The following RHCG variants were observed in gnomAD, a reference collection of about 807,000 sequenced individuals.
RHCG encodes the protein ammonium transporter Rh type C.
In RHCG, 39 loss-of-function variants were observed where a neutral mutation model predicts 55.3. The observed-to-expected ratio is 0.70, with a 90% CI of 0.55 to 0.92. The LOEUF (loss-of-function observed/expected upper bound fraction) is 0.92, where lower values mean the gene tolerates loss of function less well. Among genes scored for constraint, RHCG ranks in the 40% least tolerant of loss-of-function variants. The pLI, the probability that RHCG is intolerant of heterozygous loss-of-function variation, is 0.00. For missense variants in RHCG, 635 were observed against 627.9 expected (o/e 1.01, Z -0.12); for synonymous variants, 250 against 246.8 (o/e 1.01, Z -0.12).
rs774183389 is a variant in RHCG, at chr15:89,477,782, G to A, written c.975+55C>T. Reference sequence around the variant, plus strand: ...CTAGGAACCCTCAGCTCACTGTCAGGAACACAAAGACCTCAGCATTCTCTA... The same window carrying A: ...CTAGGAACCCTCAGCTCACTGTCAGAAACACAAAGACCTCAGCATTCTCTA... On this transcript the variant is annotated intron_variant, in intron 6 of 10. Coordinates refer to ENST00000268122, the MANE Select transcript of RHCG (RefSeq NM_016321.3). The surrounding 1 kb of genome is among the most constrained non-coding windows in gnomAD (Gnocchi z 4.5). 1 of 1,609,620 alleles carries A rather than the reference G, an allele frequency of 6.2e-7. No homozygotes were observed. Among genetic ancestry groups the A allele is most frequent in the Admixed American group, 1.7e-5 (1 of 59,810 alleles).
At chr15:89,489,559 C>A (rs74032414) in intron 1 of RHCG, among the ~76,000 whole-genome samples, 4 of 152,036 alleles carry the variant, frequency 2.6e-5, no homozygotes, top group African/African-American at 4.8e-5. Context: ...CACCTGTCTC[C>A]CGGGGGATTC....
chr15:89,474,920 G>T lies in RHCG; in HGVS notation c.1311+1835C>A, dbSNP rs868759997. On this transcript the variant is annotated intron_variant, in intron 9 of 10. Transcript: ENST00000268122. ...TTCCTTCCTGCCTGCCTTCCTTCCT[G>T]CCTGCCTGCCTTCCTGCCTTCCTGC... Among the ~76,000 whole-genome samples, 201 of 80,908 alleles carry T rather than the reference G, an allele frequency of 2.5e-3. 1 individual carries two copies. Among genetic ancestry groups the T allele is most frequent in the African/African-American group, 0.013 (162 of 12,728 alleles). 53.1% of individuals were successfully genotyped at this position (80,908 alleles called of 152,430 possible).
chr15:89,476,714 G>A (rs1340244590), intron 9 of RHCG, 41 bp downstream of exon 9: 54 of 1,540,764 alleles, frequency 3.5e-5, no homozygotes, highest in Non-Finnish European at 4.6e-5. Flanking sequence ...GGGAGGGAAC[G>A]CAGCTGCCCT....
intron 4 of RHCG, 138 bp from the exon 5 acceptor site, chr15:89,479,626 T>C (rs1961228226): frequency 1.4e-5 from 11 of 763,568 alleles, no homozygotes; most frequent in Non-Finnish European, 1.8e-5. Flanking sequence ...GCTTTAGTCA[T>C]GCAGGGGCTC....
chr15:89,479,819 A>G (rs928925896), intron 4 of RHCG: 7 of 398,440 alleles, frequency 1.8e-5, no homozygotes, highest in South Asian at 2.9e-5. Context: ...CTCTTCCACT[A>G]CGCTGTGAGG....
chr15:89,486,797 A>G lies in RHCG; in HGVS notation c.371+2T>C. 1.3e-6 allele frequency: 2 copies of G among 1,583,816 alleles called. No homozygotes were observed. Among genetic ancestry groups the G allele is most frequent in the East Asian group, 2.3e-5 (1 of 44,208 alleles). On this transcript the variant is annotated splice_donor_variant, in intron 2 of 10. Transcript: ENST00000268122. LOFTEE classifies it high-confidence loss of function. ...CGCCCCCGGGGCCCGCCCTGCGCTC[A>G]CTTCTCCACGCCCACGACGATGTAG...
chr15:89,478,919 C>T (rs943478927), intron 5 of RHCG, among the ~76,000 whole-genome samples: 6 of 152,006 alleles, frequency 3.9e-5, no homozygotes, highest in African/African-American at 1.5e-4. Context: ...GGTGAAACCC[C>T]ATCTCTACTA....
At chr15:89,489,282 A>AT (rs1961431004) in intron 1 of RHCG, among the ~76,000 whole-genome samples, 1 of 150,732 alleles carries the variant, frequency 6.6e-6, no homozygotes, top group Non-Finnish European at 1.5e-5. Context: ...ACACCCAGCT[A>AT]ATTTTTTTTT....
chr15:89,496,317 G>C (rs750189240), intron 1 of RHCG, 44 bp downstream of exon 1: 71 of 1,604,826 alleles, frequency 4.4e-5, no homozygotes, highest in East Asian at 2.9e-4. Context: ...GGTGGGGACC[G>C]GCGCGGATAT....
At chr15:89,480,120 T>C in intron 4 of RHCG, 141 bp downstream of exon 4, 1 of 1,106,244 alleles carries the variant, frequency 9.0e-7, no homozygotes, top group Admixed American at 1.9e-5. Flanking sequence ...CTGGCAGCCA[T>C]GCACCATACC....
chr15:89,483,034 C>T (rs1961295229), intron 3 of RHCG, 33 bp downstream of exon 3: 2 of 1,532,744 alleles, frequency 1.3e-6, no homozygotes, highest in African/African-American at 2.7e-5. Context: ...AAAGCACCCC[C>T]ACCACCTCAT....
rs150918061 is a variant in RHCG, at chr15:89,481,586, C to T, written c.523-1178G>A. On this transcript the variant is annotated intron_variant, in intron 3 of 10. Transcript: ENST00000268122. ...CCCAGCTTTGTGCCTGAAGAGCAGA[C>T]AGCACAGTATGACAAAGCACAGGAA... Among the ~76,000 whole-genome samples, 24 of 152,180 alleles carry T rather than the reference C, an allele frequency of 1.6e-4. No homozygotes were observed. In the East Asian group the frequency reaches 4.6e-3, roughly 29 times the overall value.
chr15:89,486,895 T>C lies in RHCG; in HGVS notation c.275A>G (p.Asn92Ser). 1.2e-6 allele frequency: 2 copies of C among 1,613,098 alleles called. No individual in the cohort carries two copies. The highest frequency in any genetic ancestry group is 1.7e-6 in the Non-Finnish European group (2 of 1,179,214). ...QRYGFSAVGF[N>S]FLLAAFGIQW... Reference sequence around the variant, plus strand: ...GATGCCGAAGGCTGCCAACAGGAAGTTGAAGCCCACGGCGCTGAAGCCGTA... The same window carrying C: ...GATGCCGAAGGCTGCCAACAGGAAGCTGAAGCCCACGGCGCTGAAGCCGTA... Residue 92 changes from asparagine (N) to serine (S), a missense_variant, in exon 2 of 11, where the codon AAC becomes AGC. Asn to Ser is a conservative substitution (Grantham distance 46). Transcript: ENST00000268122.
chr15:89,495,041 C>G (rs931349436), intron 1 of RHCG, among the ~76,000 whole-genome samples: 1 of 152,102 alleles, frequency 6.6e-6, no homozygotes, highest in Admixed American at 6.5e-5. Flanking sequence ...GAGCCTGAAT[C>G]CCAAGGCTGC....
intron 3 of RHCG, 74 bp from the exon 4 acceptor site, chr15:89,480,482 C>T: frequency 6.6e-7 from 1 of 1,524,986 alleles, no homozygotes; most frequent in Non-Finnish European, 8.9e-7. Flanking sequence ...TGTCTTGCCA[C>T]ACACACACAC....
At chr15:89,484,820 G>T (rs1379468185) in intron 2 of RHCG, among the ~76,000 whole-genome samples, 1 of 151,002 alleles carries the variant, frequency 6.6e-6, no homozygotes, top group African/African-American at 2.4e-5. Context: ...GAACAGAAAG[G>T]CCCATCCCTT....
intron 1 of RHCG, among the ~76,000 whole-genome samples, chr15:89,489,646 C>T (rs961630464): frequency 6.6e-6 from 1 of 152,166 alleles, no homozygotes; most frequent in African/African-American, 2.4e-5. Flanking sequence ...TCCAGCTGCT[C>T]TGGCCTCCCT....
Position 89,477,544 on chromosome 15 carries a change from G to A in RHCG, c.1085C>T (p.Ala362Val). Residue 362 changes from alanine to valine, a missense_variant, in exon 7 of 11, where the codon GCC becomes GTC. Coordinates refer to ENST00000268122, the MANE Select transcript of RHCG (RefSeq NM_016321.3). The surrounding 1 kb of genome is among the most constrained non-coding windows in gnomAD (Gnocchi z 4.5). ...GIVGAVTAAS[A>V]SLEVYGKEGL... ...TTCTTTTCCATAGACTTCAAGGCTG[G>A]CGGAGGCCGCTGTCACAGCACCCAC... is the stretch of plus-strand genomic sequence containing the variant. The A allele has an allele frequency of 6.2e-7, 1 of 1,614,030 alleles. No homozygotes were observed. Among genetic ancestry groups the A allele is most frequent in the South Asian group, 1.1e-5 (1 of 91,078 alleles).
intron 1 of RHCG, among the ~76,000 whole-genome samples, chr15:89,492,914 G>C (rs543307871): frequency 2.6e-4 from 40 of 152,308 alleles, no homozygotes; most frequent in Admixed American, 2.2e-3. Flanking sequence ...GGAGATGAGT[G>C]CCCTACCAGT....
Sources: gnomAD v4.1 joint callset for allele counts (sites outside exome capture counted in the v4.1 genomes callset) on GRCh38, gnomAD v4.1.1 for gene constraint, Gnocchi (gnomAD v3.1) non-coding constraint, MANE v1.5 for transcripts, NCBI Gene and HGNC (gene_info 2026-07-23, HGNC 2026-07-21) for gene names.